HMCN1: variants seen among roughly 807,000 people sequenced by gnomAD.
HMCN1 encodes the protein hemicentin-1.
A neutral mutation model predicts 625.9 loss-of-function variants in HMCN1; 321 were observed. The ratio of observed to expected loss-of-function variants is 0.51; its 90% confidence interval spans 0.47 to 0.56. The LOEUF (loss-of-function observed/expected upper bound fraction) is 0.56. Among genes scored for constraint, HMCN1 ranks in the 20% least tolerant of loss-of-function variants. The pLI, the probability that HMCN1 is intolerant of heterozygous loss-of-function variation, is 0.00. For synonymous variants in HMCN1, 2,425 were observed against 2,417.6 expected (o/e 1.00, Z -0.09); for missense variants, 6,588 against 6,887.3 (o/e 0.96, Z 1.54).
intron 1 of HMCN1, among the ~76,000 whole-genome samples, chr1:185,809,803 T>C (rs73072006): frequency 0.058 from 8,896 of 152,154 alleles, 874 homozygotes; most frequent in African/African-American, 0.2. Flanking sequence ...GTCACTTCTG[T>C]CACTCTGAAA....
intron 97 of HMCN1, among the ~76,000 whole-genome samples, chr1:186,162,829 G>T (rs1651598254): frequency 6.6e-6 from 1 of 152,196 alleles, no homozygotes; most frequent in African/African-American, 2.4e-5. Context: ...CCCTACTGGG[G>T]GGTGCCTCCC....
chr1:185,792,185 T>C (rs573533717), intron 1 of HMCN1, among the ~76,000 whole-genome samples: 31 of 152,316 alleles, frequency 2.0e-4, no homozygotes, highest in African/African-American at 7.5e-4. Context: ...TTATCTTACC[T>C]TGTAAGGGGC....
chr1:186,023,298 T>C, intron 36 of HMCN1, 145 bp downstream of exon 36: 1 of 700,814 alleles, frequency 1.4e-6, no homozygotes, highest in Non-Finnish European at 2.3e-6. Context: ...GTTTTTTTTT[T>C]TTTTTTACAT....
chr1:186,081,286 G>C lies in HMCN1; in HGVS notation c.8679G>C (p.Glu2893Asp), dbSNP rs1286396116. 1 of 1,613,120 alleles carries C rather than the reference G, an allele frequency of 6.2e-7. No individual in the cohort carries two copies. The highest frequency in any genetic ancestry group is 8.5e-7 in the Non-Finnish European group (1 of 1,179,154). The change falls in exon 56 of 107, where the codon GAG (glutamate) becomes GAC (aspartate). Residue 2893 changes from glutamate (E) to aspartate (D), a missense_variant. Physicochemically the swap from Glu to Asp is conservative, Grantham distance 45. Transcript: ENST00000271588. ...TVLVNKSALIECLSSGSPAPR... is the reference protein window; with the variant it reads ...TVLVNKSALIDCLSSGSPAPR... The stretch of plus-strand genomic sequence containing the variant: ...TGGTGAACAAGAGTGCACTGATAGA[G>C]TGTTTATCCAGTGGCAGCCCAGCAC...
intron 33 of HMCN1, 124 bp from the exon 34 acceptor site, chr1:186,018,059 C>A: frequency 1.1e-6 from 1 of 889,250 alleles, no homozygotes; most frequent in Non-Finnish European, 1.8e-6. Context: ...TTTTCATTTA[C>A]AATTTATTTT....
In HMCN1 at chr1:185,846,006, T is replaced by C. The variant is rs745546948; in HGVS notation, c.269-20T>C. On this transcript the variant is annotated intron_variant, in intron 1 of 106. Coordinates refer to ENST00000271588, the MANE Select transcript of HMCN1 (RefSeq NM_031935.3). ...CCATTGATTACTGTTTATTGACCTA[T>C]GTTATTTTTATCTTCACAGAAATTG... The C allele has an allele frequency of 2.2e-5, 34 of 1,527,288 alleles. No homozygotes were observed. The East Asian group carries it at 2.7e-4, about 12-fold the overall frequency. 94.6% of individuals were successfully genotyped at this position (1,527,288 alleles called of 1,614,324 possible).
chr1:186,094,558 T>G (rs148520072), intron 67 of HMCN1, among the ~76,000 whole-genome samples, 185 bp downstream of exon 67: 143 of 152,292 alleles, frequency 9.4e-4, no homozygotes, highest in African/African-American at 3.4e-3. Flanking sequence ...TGGACCATAT[T>G]GTCTGTTTAT....
At chr1:186,025,786 G>A (rs1195422716) in intron 36 of HMCN1, among the ~76,000 whole-genome samples, 1 of 152,212 alleles carries the variant, frequency 6.6e-6, no homozygotes, top group Non-Finnish European at 1.5e-5. Flanking sequence ...TGAAATGAAA[G>A]AGAAGCAGAA....
chr1:186,144,926 C>A (rs1650218166), intron 91 of HMCN1, among the ~76,000 whole-genome samples: 1 of 152,106 alleles, frequency 6.6e-6, no homozygotes, highest in Non-Finnish European at 1.5e-5. Context: ...AGGACTAGCC[C>A]CAGAGTATAA....
chr1:186,032,333 G>C (rs1399083016), intron 36 of HMCN1, among the ~76,000 whole-genome samples: 1 of 151,994 alleles, frequency 6.6e-6, no homozygotes, highest in African/African-American at 2.4e-5. Context: ...TCATCATCAG[G>C]GAAAAGCAAA....
At chr1:185,871,822 A>G (rs913229339) in intron 4 of HMCN1, among the ~76,000 whole-genome samples, 2 of 152,218 alleles carry the variant, frequency 1.3e-5, no homozygotes, top group Non-Finnish European at 2.9e-5. Context: ...ATGGCCATTT[A>G]GGACTAGACT....
chr1:186,007,391 A>C, intron 30 of HMCN1, 109 bp downstream of exon 30: 2 of 994,722 alleles, frequency 2.0e-6, no homozygotes, highest in Non-Finnish European at 3.1e-6. Flanking sequence ...TTGGAATACT[A>C]CATACTTCAA....
chr1:186,022,997 C>T (rs1654815946), intron 35 of HMCN1, 33 bp from the exon 36 acceptor site: 1 of 1,608,554 alleles, frequency 6.2e-7, no homozygotes, highest in Non-Finnish European at 8.5e-7. Context: ...GTATAAGATA[C>T]AAAAATCCTC....
intron 24 of HMCN1, among the ~76,000 whole-genome samples, chr1:185,996,759 T>C (rs1652819939): frequency 6.6e-6 from 1 of 152,096 alleles, no homozygotes; most frequent in South Asian, 2.1e-4. Context: ...GATAGAGTTC[T>C]CAAGAATAAC....
intron 60 of HMCN1, 24 bp from the exon 61 acceptor site, chr1:186,087,908 T>A (rs1207233765): frequency 6.3e-7 from 1 of 1,588,394 alleles, no homozygotes; most frequent in Non-Finnish European, 8.6e-7. Flanking sequence ...ATGGAGCACA[T>A]ACAATAGTAT....
chr1:186,144,851 A>G, intron 91 of HMCN1, 148 bp downstream of exon 91: 7 of 933,204 alleles, frequency 7.5e-6, no homozygotes, highest in East Asian at 2.6e-5. Context: ...TCATGTCTGT[A>G]TAATACCCTA....
rs145820209 is a variant in HMCN1, at chr1:185,792,618, A to C, written c.269-53408A>C. On this transcript the variant is annotated intron_variant, in intron 1 of 106. Coordinates refer to ENST00000271588, the MANE Select transcript of HMCN1 (RefSeq NM_031935.3). Reference sequence around the variant, plus strand: ...TATGGATTAAGGAATAACATTTATCATATATGATTTTTCATAGTTAAAGCT... The same window carrying C: ...TATGGATTAAGGAATAACATTTATCCTATATGATTTTTCATAGTTAAAGCT... 2.4e-3 allele frequency among the ~76,000 whole-genome samples: 361 copies of C among 152,330 alleles called. 4 individuals are homozygous for C. The highest frequency in any genetic ancestry group is 6.8e-3 in the Middle Eastern group (2 of 294).
intron 4 of HMCN1, among the ~76,000 whole-genome samples, chr1:185,906,254 G>A (rs200688349): frequency 2.0e-5 from 3 of 151,656 alleles, no homozygotes; most frequent in Non-Finnish European, 3.0e-5. Context: ...ACAACGAGTT[G>A]CATCTGTTTT....
chr1:185,935,864 A>G (rs1397145654), intron 11 of HMCN1, among the ~76,000 whole-genome samples: 1 of 152,190 alleles, frequency 6.6e-6, no homozygotes, highest in African/African-American at 2.4e-5. Flanking sequence ...TATTTGATGA[A>G]GTAAACTGCC....
Sources: gnomAD v4.1 joint callset for allele counts (sites outside exome capture counted in the v4.1 genomes callset) on GRCh38, gnomAD v4.1.1 for gene constraint, MANE v1.5 for transcripts, NCBI Gene and HGNC (gene_info 2026-07-23, HGNC 2026-07-21) for gene names.